PPM1L: variants seen among roughly 807,000 people sequenced by gnomAD.
The protein encoded by PPM1L is protein phosphatase, Mg2+/Mn2+ dependent 1L.
In PPM1L, 13 loss-of-function variants were observed where a neutral mutation model predicts 31.4. The ratio of observed to expected loss-of-function variants is 0.41; its 90% confidence interval spans 0.27 to 0.66. The LOEUF is 0.66. Ranked by LOEUF, PPM1L falls within the 30% of genes least tolerant of loss-of-function variation. The pLI, the probability that PPM1L is intolerant of heterozygous loss-of-function variation, is 0.29. For synonymous variants in PPM1L, 184 were observed against 175.4 expected (o/e 1.05, Z -0.39); for missense variants, 326 against 453.7 (o/e 0.72, Z 2.56).
chr3:160,849,051 T>C (rs1225993317), intron 1 of PPM1L, among the ~76,000 whole-genome samples: 1 of 152,192 alleles, frequency 6.6e-6, no homozygotes, highest in Non-Finnish European at 1.5e-5. Context: ...ACTGACACTA[T>C]CTAGCCCAGT....
intron 1 of PPM1L, among the ~76,000 whole-genome samples, chr3:160,863,722 T>C (rs1711984575): frequency 6.6e-6 from 1 of 152,158 alleles, no homozygotes; most frequent in South Asian, 2.1e-4. Context: ...TTGGGTTCCT[T>C]GGTCACACAA....
chr3:160,829,429 T>C (rs911435668), intron 1 of PPM1L, among the ~76,000 whole-genome samples: 1 of 152,122 alleles, frequency 6.6e-6, no homozygotes, highest in African/African-American at 2.4e-5. Context: ...CATTTCTGAC[T>C]TAAACACTCC....
At chr3:161,002,936 T>TATTA (rs1442763303) in intron 2 of PPM1L, among the ~76,000 whole-genome samples, 4 of 149,162 alleles carry the variant, frequency 2.7e-5, no homozygotes, top group Non-Finnish European at 6.0e-5. Flanking sequence ...TGAATGGTAA[T>TATTA]GCCTAGGTTT....
At chr3:161,044,121 C>T (rs1407563608) in intron 2 of PPM1L, among the ~76,000 whole-genome samples, 1 of 152,066 alleles carries the variant, frequency 6.6e-6, no homozygotes, top group African/African-American at 2.4e-5. Flanking sequence ...TTCACTGCAA[C>T]CTCTGCCTCC....
chr3:160,823,989 C>T (rs962827936), intron 1 of PPM1L, among the ~76,000 whole-genome samples: 22 of 152,010 alleles, frequency 1.4e-4, no homozygotes, highest in African/African-American at 2.4e-4. Flanking sequence ...CATTTCATAT[C>T]GAGACAAAGT....
intron 2 of PPM1L, among the ~76,000 whole-genome samples, chr3:161,032,114 A>G (rs746389319): frequency 6.6e-6 from 1 of 152,214 alleles, no homozygotes; most frequent in Non-Finnish European, 1.5e-5. Context: ...TAATAGTAGC[A>G]GTAGAGATAA....
intron 1 of PPM1L, among the ~76,000 whole-genome samples, chr3:160,927,637 TGCGTGCGCGC>T (rs1714643930): frequency 6.6e-6 from 1 of 151,936 alleles, no homozygotes; most frequent in Admixed American, 6.5e-5. Context: ...TGCGTGCGTG[TGCGTGCGCGC>T]GCATGCACGT....
At position 161,065,451 on chromosome 3, in the gene PPM1L, C is replaced by T; in HGVS notation, c.623C>T (p.Ala208Val). The part of the protein sequence containing the change: ...ALLSDKDLTV[A>V]NVGDSRGVLC... ...CTATCAGATAAAGACCTCACTGTGGCCAACGTGGGTGACTCGCGCGGGGTC... is the reference window on the plus strand; with the variant it reads ...CTATCAGATAAAGACCTCACTGTGGTCAACGTGGGTGACTCGCGCGGGGTC... Residue 208 changes from alanine to valine, a missense_variant, in exon 3 of 4, where the codon GCC becomes GTC. Transcript: ENST00000498165. The T allele has an allele frequency of 6.2e-7, 1 of 1,614,088 alleles. No homozygotes were observed. Among genetic ancestry groups the T allele is most frequent in the Non-Finnish European group, 8.5e-7 (1 of 1,179,966 alleles).
chr3:160,794,513 A>G (rs557201282), intron 1 of PPM1L, among the ~76,000 whole-genome samples: 15 of 152,222 alleles, frequency 9.9e-5, no homozygotes, highest in Non-Finnish European at 1.8e-4. Context: ...TTTGATTTGC[A>G]TATTTTTATT....
intron 3 of PPM1L, among the ~76,000 whole-genome samples, chr3:161,066,652 G>A (rs749025737): frequency 6.6e-6 from 1 of 152,190 alleles, no homozygotes; most frequent in Non-Finnish European, 1.5e-5. Flanking sequence ...GCTGCAGGAT[G>A]TATGCTCTTC....
rs533811274 is a variant in PPM1L, at chr3:160,786,342, C to T, written c.399+29635C>T. On this transcript the variant is annotated intron_variant, in intron 1 of 3. Transcript: ENST00000498165. Reference sequence around the variant, plus strand: ...AAGCGATTCTTGTGCCTCAGCCTCCCAAGTAGCTGGGATTACAGGTGTGAG... The same window carrying T: ...AAGCGATTCTTGTGCCTCAGCCTCCTAAGTAGCTGGGATTACAGGTGTGAG... 5.6e-3 allele frequency among the ~76,000 whole-genome samples: 836 copies of T among 149,058 alleles called. 11 individuals are homozygous for T. Among genetic ancestry groups the T allele is most frequent in the African/African-American group, 0.019 (778 of 40,588 alleles).
intron 2 of PPM1L, among the ~76,000 whole-genome samples, chr3:160,994,359 C>T (rs73875439): frequency 0.016 from 2,417 of 152,282 alleles, 25 homozygotes; most frequent in Admixed American, 0.026. Context: ...AGAAGAACCA[C>T]AGCTGCTTGC....
intron 1 of PPM1L, among the ~76,000 whole-genome samples, chr3:160,933,291 T>A (rs905989183): frequency 2.0e-5 from 3 of 152,192 alleles, no homozygotes; most frequent in African/African-American, 7.2e-5. Context: ...TGAATTTTTT[T>A]TTTGTTATTT....
intron 1 of PPM1L, among the ~76,000 whole-genome samples, chr3:160,842,691 A>G (rs1713921619): frequency 6.6e-6 from 1 of 152,176 alleles, no homozygotes. Context: ...CAGTCTTAAA[A>G]TGCATTAATT....
At chr3:161,046,750 T>G (rs1201510530) in intron 2 of PPM1L, among the ~76,000 whole-genome samples, 1 of 152,132 alleles carries the variant, frequency 6.6e-6, no homozygotes, top group Non-Finnish European at 1.5e-5. Flanking sequence ...CATGATCAAG[T>G]GATCTTCATC....
At chr3:160,803,874 C>G (rs1490319326) in intron 1 of PPM1L, among the ~76,000 whole-genome samples, 1 of 152,164 alleles carries the variant, frequency 6.6e-6, no homozygotes, top group Non-Finnish European at 1.5e-5. Context: ...AAAACTGAGA[C>G]TGAGAGACAC....
intron 1 of PPM1L, among the ~76,000 whole-genome samples, chr3:160,817,941 T>C (rs569599204): frequency 2.6e-5 from 4 of 152,112 alleles, no homozygotes; most frequent in East Asian, 1.9e-4. Flanking sequence ...GAGTCAGCTA[T>C]GTGGAGCTGT....
intron 2 of PPM1L, among the ~76,000 whole-genome samples, chr3:161,038,807 T>C (rs1718828040): frequency 6.6e-6 from 1 of 151,984 alleles, no homozygotes; most frequent in Admixed American, 6.6e-5. Flanking sequence ...CTGGGAAAAA[T>C]GAGCTGAAAT....
intron 2 of PPM1L, among the ~76,000 whole-genome samples, chr3:160,999,337 A>T (rs1189321962): frequency 6.6e-6 from 1 of 152,188 alleles, no homozygotes; most frequent in Non-Finnish European, 1.5e-5. Flanking sequence ...ATAAAGCTTA[A>T]GATCATACTG....
Sources: gnomAD v4.1 joint callset for allele counts (sites outside exome capture counted in the v4.1 genomes callset) on GRCh38, gnomAD v4.1.1 for gene constraint, MANE v1.5 for transcripts, NCBI Gene and HGNC (gene_info 2026-07-23, HGNC 2026-07-21) for gene names.